The following FCER1A variants were observed in gnomAD, a reference collection of about 807,000 sequenced individuals.
The protein encoded by FCER1A is high affinity immunoglobulin epsilon receptor subunit alpha.
In FCER1A, 24 loss-of-function variants were observed where a neutral mutation model predicts 23.6. The ratio of observed to expected loss-of-function variants is 1.02; its 90% CI spans 0.74 to 1.43. The LOEUF (loss-of-function observed/expected upper bound fraction) is 1.43. FCER1A is among the 40% of genes most tolerant of loss of function. The pLI, the probability that FCER1A is intolerant of heterozygous loss-of-function variation, is 0.00. For missense variants in FCER1A, 318 were observed against 294.5 expected, an observed-to-expected ratio of 1.08 and a Z score of -0.58; for synonymous variants, 121 against 108.8, an observed-to-expected ratio of 1.11 and a Z score of -0.70.
At chr1:159,303,809 T>A (rs1156581785) in intron 2 of FCER1A, 119 bp from the exon 3 acceptor site, 4 of 750,654 alleles carry the variant, frequency 5.3e-6, no homozygotes, top group African/African-American at 5.3e-5. Context: ...ACCAACAGAA[T>A]AAGGACAGGT....
At chr1:159,305,784 C>T (rs764291313) in intron 3 of FCER1A, among the ~76,000 whole-genome samples, 1 of 152,088 alleles carries the variant, frequency 6.6e-6, no homozygotes, top group Non-Finnish European at 1.5e-5. Flanking sequence ...ACTGACTTTT[C>T]AGGAGGGGAA....
Position 159,306,244 on chromosome 1 carries a change from A to G in FCER1A, c.588A>G (p.Lys196=), listed in dbSNP as rs2102234379. 1 of 1,612,764 alleles carries G rather than the reference A, an allele frequency of 6.2e-7. No individual in the cohort carries two copies. Among genetic ancestry groups the G allele is most frequent in the Middle Eastern group, 1.7e-4 (1 of 5,720 alleles). ...ESEPLNITVI[K]APREKYWLQF... is the part of the protein sequence containing the mutation. ...AGCCCCTCAACATTACTGTAATAAA[A>G]GGTGAGTTGGTAAAGGAAAGGAAAA... The change falls in exon 4 of 5, where the codon AAA becomes AAG. Residue 196 remains lysine, a splice_region_variant and synonymous_variant. Coordinates refer to ENST00000693622, the MANE Select transcript of FCER1A (RefSeq NM_001387280.1).
chr1:159,294,732 G>A (rs1452922203), intron 1 of FCER1A, among the ~76,000 whole-genome samples: 3 of 152,142 alleles, frequency 2.0e-5, no homozygotes, highest in Non-Finnish European at 2.9e-5. Flanking sequence ...TTCCTATGCT[G>A]AAACTAAATT....
At chr1:159,290,494 T>C (rs1318210887) in intron 1 of FCER1A, among the ~76,000 whole-genome samples, 1 of 152,160 alleles carries the variant, frequency 6.6e-6, no homozygotes, top group Non-Finnish European at 1.5e-5. Context: ...TCTCAACTTA[T>C]TGGAGGGAAT....
At chr1:159,298,222 T>G (rs1204466297), upstream of FCER1A, among the ~76,000 whole-genome samples, 1 of 152,146 alleles carries the variant, frequency 6.6e-6, no homozygotes, top group Non-Finnish European at 1.5e-5. Flanking sequence ...TGCCCACACC[T>G]ATGCACTATA....
chr1:159,295,777 A>G (rs1652281287), intron 1 of FCER1A, among the ~76,000 whole-genome samples: 1 of 152,140 alleles, frequency 6.6e-6, no homozygotes, highest in African/African-American at 2.4e-5. Context: ...AGAATTTAGC[A>G]GTGGTTTTCA....
chr1:159,298,122 C>T (rs114270581), upstream of FCER1A, among the ~76,000 whole-genome samples: 2,114 of 152,068 alleles, frequency 0.014, 23 homozygotes, highest in Non-Finnish European at 0.022. Context: ...CAGATTGTAC[C>T]CTTAACTACA....
Position 159,304,123 on chromosome 1 carries a change from A to T in FCER1A, c.272A>T (p.Tyr91Phe), listed in dbSNP as rs1406136847. The change falls in exon 3 of 5, where the codon TAC becomes TTC. Residue 91 changes from tyrosine to phenylalanine, a missense_variant. Tyr to Phe is a conservative substitution (Grantham distance 22). Coordinates refer to ENST00000693622, the MANE Select transcript of FCER1A (RefSeq NM_001387280.1). ...VNAKFEDSGE[Y>F]KCQHQQVNES... Reference sequence around the variant, plus strand: ...GCCAAATTTGAAGACAGTGGAGAATACAAATGTCAGCACCAACAAGTTAAT... The same window carrying T: ...GCCAAATTTGAAGACAGTGGAGAATTCAAATGTCAGCACCAACAAGTTAAT... 1.2e-6 allele frequency: 2 copies of T among 1,613,942 alleles called. No individual in the cohort carries two copies. The highest frequency in any genetic ancestry group is 2.7e-5 in the African/African-American group (2 of 75,060).
upstream of FCER1A, chr1:159,302,158 G>A (rs976322660): frequency 1.9e-5 from 11 of 578,120 alleles, no homozygotes; most frequent in Non-Finnish European, 3.4e-5. Context: ...AGGTGGGATA[G>A]GGAGTGGAGT....
At position 159,306,040 on chromosome 1, in the gene FCER1A, C is replaced by G. The variant is rs753453012; in HGVS notation, c.384C>G (p.Leu128=). Residue 128 remains leucine (L), a synonymous_variant, in exon 4 of 5, where the codon CTC becomes CTG. Transcript: ENST00000693622. Reference sequence around the variant, plus strand: ...AGGTGGTGATGGAGGGCCAGCCCCTCTTCCTCAGGTGCCATGGTTGGAGGA... The same window carrying G: ...AGGTGGTGATGGAGGGCCAGCCCCTGTTCCTCAGGTGCCATGGTTGGAGGA... ...SAEVVMEGQP[L]FLRCHGWRNW... 4 of 1,613,934 alleles carry G rather than the reference C, an allele frequency of 2.5e-6. No homozygotes were observed. Among genetic ancestry groups the G allele is most frequent in the Admixed American group, 1.7e-5 (1 of 60,008 alleles).
rs776557844 is a variant in FCER1A at position 159,302,355 on chromosome 1, C to T, written c.-10C>T. ...TCCAGCACAGTAAGCACCAGGAGTC[C>T]ATGAAGAAGATGGCTCCTGCCATGG... On this transcript the variant is annotated 5_prime_UTR_variant, in exon 1 of 5. Coordinates refer to ENST00000693622, the MANE Select transcript of FCER1A (RefSeq NM_001387280.1). 19 of 1,598,772 alleles carry T rather than the reference C, an allele frequency of 1.2e-5. No individual in the cohort carries two copies. The highest frequency in any genetic ancestry group is 1.6e-5 in the Non-Finnish European group (19 of 1,166,102).
At chr1:159,303,651 A>G (rs1652504777) in intron 2 of FCER1A, among the ~76,000 whole-genome samples, 2 of 152,206 alleles carry the variant, frequency 1.3e-5, no homozygotes, top group South Asian at 2.1e-4. Flanking sequence ...ACAGAAGTAG[A>G]GTGAGTCAGC....
At chr1:159,296,351 A>T (rs1189663780) in intron 1 of FCER1A, among the ~76,000 whole-genome samples, 3 of 152,210 alleles carry the variant, frequency 2.0e-5, no homozygotes, top group Admixed American at 2.0e-4. Context: ...AAATAACATT[A>T]TAATAGGAAA....
rs1319730274 is a variant in FCER1A, at chr1:159,304,144, T to C, written c.293T>C (p.Val98Ala). Residue 98 changes from valine to alanine, a missense_variant, in exon 3 of 5, where the codon GTT becomes GCT. Val to Ala is a moderately conservative substitution (Grantham distance 64, BLOSUM62 0). Coordinates refer to ENST00000693622, the MANE Select transcript of FCER1A (RefSeq NM_001387280.1). ...GAATACAAATGTCAGCACCAACAAG[T>C]TAATGAGAGTGAACCTGTGTACCTG... ...SGEYKCQHQQVNESEPVYLEV... is the reference protein window; with the variant it reads ...SGEYKCQHQQANESEPVYLEV... The C allele has an allele frequency of 6.2e-7, 1 of 1,614,032 alleles. No homozygotes were observed. Among genetic ancestry groups the C allele is most frequent in the East Asian group, 2.2e-5 (1 of 44,878 alleles).
rs7549785 is a variant in FCER1A at position 159,308,078 on chromosome 1, G to A, written c.*146G>A. The A allele has an allele frequency of 0.14, 73,719 of 535,440 alleles. 6,042 individuals are homozygous for A. Among genetic ancestry groups the A allele is most frequent in the Admixed American group, 0.17 (5,206 of 30,790 alleles). The allele number at this position is 535,440 out of a possible 1,614,324, so 33.2% of individuals were successfully genotyped here. On this transcript the variant is annotated 3_prime_UTR_variant, in exon 5 of 5. Transcript: ENST00000693622. The stretch of plus-strand genomic sequence containing the variant: ...ATGCTTCATTAAACTGAGTGAAACT[G>A]GTTAAGTGGCATGTAATAGTAAGTG...
chr1:159,295,413 G>A (rs1010110680), intron 1 of FCER1A, among the ~76,000 whole-genome samples: 3 of 151,996 alleles, frequency 2.0e-5, no homozygotes, highest in Non-Finnish European at 4.4e-5. Flanking sequence ...GCAATTTTTG[G>A]TTATGAAATG....
At chr1:159,285,697 A>G (rs1286508842), upstream of FCER1A, among the ~76,000 whole-genome samples, 1 of 152,100 alleles carries the variant, frequency 6.6e-6, no homozygotes, top group East Asian at 1.9e-4. Context: ...GTATGTTACA[A>G]ATATTGCATG....
At chr1:159,284,234 A>C in the FCER1A span, among the ~76,000 whole-genome samples, 4 of 152,234 alleles carry the variant, frequency 2.6e-5, no homozygotes, top group East Asian at 7.7e-4. Context: ...ACTGACATAC[A>C]TCTCAGCCCT....
At chr1:159,292,609 G>A (rs1242415664) in intron 1 of FCER1A, among the ~76,000 whole-genome samples, 4 of 151,928 alleles carry the variant, frequency 2.6e-5, no homozygotes, top group African/African-American at 7.3e-5. Context: ...ATTACATGAC[G>A]ACATACCTAT....
Sources: gnomAD v4.1 joint callset for allele counts (sites outside exome capture counted in the v4.1 genomes callset) on GRCh38, gnomAD v4.1.1 for gene constraint, MANE v1.5 for transcripts, NCBI Gene and HGNC (gene_info 2026-07-23, HGNC 2026-07-21) for gene names.